The following TMEM200A variants were observed in gnomAD, a reference collection of about 807,000 sequenced individuals.
The protein encoded by TMEM200A is transmembrane protein 200A, also known as two transmembrane C.
A neutral mutation model predicts 24.3 loss-of-function variants in TMEM200A; 12 were observed. That is an observed-to-expected ratio of 0.49 (90% CI 0.32 to 0.80). The LOEUF (loss-of-function observed/expected upper bound fraction) is 0.80, where lower values mean the gene tolerates loss of function less well. TMEM200A is among the 30% of genes least tolerant of loss of function. The pLI is 0.04. For synonymous variants in TMEM200A, 224 were observed against 224.4 expected (o/e 1.00, Z 0.02); for missense variants, 545 against 614.4 (o/e 0.89, Z 1.19).
chr6:130,367,470 A>G (rs897290722), intron 1 of TMEM200A, among the ~76,000 whole-genome samples: 2 of 152,250 alleles, frequency 1.3e-5, no homozygotes, highest in Non-Finnish European at 2.9e-5. Context: ...CTGTATGCAT[A>G]AATATTACCA....
chr6:130,374,568 A>C (rs1418580877), intron 1 of TMEM200A, among the ~76,000 whole-genome samples: 2 of 151,782 alleles, frequency 1.3e-5, no homozygotes, highest in African/African-American at 2.4e-5. Context: ...GGGGCACACC[A>C]CCACGCCAGG....
chr6:130,394,222 A>G (rs761641411), intron 2 of TMEM200A, among the ~76,000 whole-genome samples: 7 of 152,200 alleles, frequency 4.6e-5, no homozygotes, highest in Non-Finnish European at 1.0e-4. Context: ...CCCAGCCTAG[A>G]GTCTGTAAGC....
intron 2 of TMEM200A, among the ~76,000 whole-genome samples, chr6:130,426,223 C>T (rs1779734861): frequency 6.6e-6 from 1 of 152,262 alleles, no homozygotes; most frequent in South Asian, 2.1e-4. Flanking sequence ...CCTCTCACTA[C>T]CTCGCCCAGC....
intron 2 of TMEM200A, among the ~76,000 whole-genome samples, chr6:130,419,210 G>A (rs1779524569): frequency 6.6e-6 from 1 of 152,100 alleles, no homozygotes; most frequent in African/African-American, 2.4e-5. Flanking sequence ...TTAACATAAT[G>A]ACCTCCAGTC....
intron 2 of TMEM200A, among the ~76,000 whole-genome samples, chr6:130,402,818 A>G (rs1779119194): frequency 6.6e-6 from 1 of 152,150 alleles, no homozygotes; most frequent in Non-Finnish European, 1.5e-5. Flanking sequence ...AACCTCTATT[A>G]GAAGTTTTAT....
In TMEM200A at chr6:130,442,099, T is replaced by G; in HGVS notation, c.*201T>G. Reference sequence around the variant, plus strand: ...AGTACTCTATGTTACCACACATGATTTTATTTTTCTCTTCCTTTGAAAGCA... The same window carrying G: ...AGTACTCTATGTTACCACACATGATGTTATTTTTCTCTTCCTTTGAAAGCA... On this transcript the variant is annotated 3_prime_UTR_variant, in exon 3 of 3. Transcript: ENST00000296978. 1 of 437,264 alleles carries G rather than the reference T, an allele frequency of 2.3e-6. No individual in the cohort carries two copies. The highest frequency in any genetic ancestry group is 4.1e-6 in the Non-Finnish European group (1 of 241,854). The allele number at this position is 437,264 out of a possible 1,614,324, so 27.1% of individuals were successfully genotyped here. A position where few individuals can be genotyped will look rare whatever the true frequency, so the allele number is the denominator to read the frequency against.
chr6:130,382,896 G>A, intron 1 of TMEM200A: 1 of 315,660 alleles, frequency 3.2e-6, no homozygotes, highest in Non-Finnish European at 4.6e-6. Flanking sequence ...CATGAAGCAG[G>A]AACATTTGTG....
chr6:130,426,078 A>AT (rs1779730702), intron 2 of TMEM200A, among the ~76,000 whole-genome samples: 1 of 152,234 alleles, frequency 6.6e-6, no homozygotes, highest in South Asian at 2.1e-4. Flanking sequence ...CTCCCTTGTC[A>AT]TAAACTCATT....
chr6:130,366,559 G>A lies in TMEM200A; in HGVS notation c.-81+35G>A. ...AGGAAAGGGTGCTGACGGGAGTGGG[G>A]AGGTGGGTGGGCGGCCACCGCAGCC... On this transcript the variant is annotated intron_variant, in intron 1 of 2. Coordinates refer to ENST00000296978, the MANE Select transcript of TMEM200A (RefSeq NM_001258277.2). This position sits in a 1 kb window ranked among gnomAD's most constrained non-coding sequence, Gnocchi z 4.4. The A allele has an allele frequency of 1.0e-6, 1 of 983,198 alleles. No individual in the cohort carries two copies. Among genetic ancestry groups the A allele is most frequent in the Non-Finnish European group, 1.2e-6 (1 of 827,942 alleles). The allele number at this position is 983,198 out of a possible 1,614,324, so 60.9% of individuals were successfully genotyped here. A position where few individuals can be genotyped will look rare whatever the true frequency, so the allele number is the denominator to read the frequency against.
chr6:130,406,524 TTG>T (rs1173410864), intron 2 of TMEM200A, among the ~76,000 whole-genome samples: 1 of 152,170 alleles, frequency 6.6e-6, no homozygotes, highest in Non-Finnish European at 1.5e-5. Flanking sequence ...CCACTCTCTG[TTG>T]TGTTTGTGAG....
intron 1 of TMEM200A, among the ~76,000 whole-genome samples, chr6:130,374,177 G>A (rs1778385796): frequency 6.6e-6 from 1 of 152,124 alleles, no homozygotes; most frequent in Admixed American, 6.5e-5. Flanking sequence ...ATTGATGTAG[G>A]ATGAGAGCCC....
chr6:130,411,039 C>T (rs556409235), intron 2 of TMEM200A, among the ~76,000 whole-genome samples: 3 of 152,184 alleles, frequency 2.0e-5, no homozygotes, highest in Non-Finnish European at 2.9e-5. Flanking sequence ...CATGGTGATG[C>T]ATGCTTGTAA....
At chr6:130,402,811 C>T (rs1043195409) in intron 2 of TMEM200A, among the ~76,000 whole-genome samples, 1 of 152,026 alleles carries the variant, frequency 6.6e-6, no homozygotes, top group Non-Finnish European at 1.5e-5. Flanking sequence ...TATCCCTAAC[C>T]TCTATTAGAA....
intron 1 of TMEM200A, among the ~76,000 whole-genome samples, chr6:130,370,127 C>G (rs966270947): frequency 3.9e-5 from 6 of 152,142 alleles, no homozygotes; most frequent in African/African-American, 1.4e-4. Flanking sequence ...CTCAGTCCCA[C>G]TTCTCTCTGG....
At chr6:130,406,361 C>T (rs756839612) in intron 2 of TMEM200A, among the ~76,000 whole-genome samples, 11 of 152,122 alleles carry the variant, frequency 7.2e-5, no homozygotes, top group Non-Finnish European at 1.5e-4. Context: ...CCCACATTCC[C>T]CTAAACAATA....
chr6:130,380,553 AC>A (rs1275567709), intron 1 of TMEM200A, among the ~76,000 whole-genome samples: 1 of 152,142 alleles, frequency 6.6e-6, no homozygotes, highest in African/African-American at 2.4e-5. Flanking sequence ...AGAAAAGACA[AC>A]TTTTATTGGA....
intron 2 of TMEM200A, among the ~76,000 whole-genome samples, chr6:130,434,584 C>T (rs959524843): frequency 6.6e-6 from 1 of 151,926 alleles, no homozygotes; most frequent in Non-Finnish European, 1.5e-5. Flanking sequence ...AAGCAAATAC[C>T]AGAATGTGCT....
In TMEM200A at chr6:130,441,796, GAAGCTTCT is replaced by G; in HGVS notation, c.1375_1382del (p.Lys459TyrfsTer8). The G allele has an allele frequency of 1.9e-6, 3 of 1,614,070 alleles. No homozygotes were observed. Among genetic ancestry groups the G allele is most frequent in the Non-Finnish European group, 2.5e-6 (3 of 1,179,986 alleles). Reference sequence around the variant, plus strand: ...TCAAAAAGGACTTTACCAATAAGGAGAAGCTTCTTATGATTTCAAGATCTCACAATAAT... The same window carrying G: ...TCAAAAAGGACTTTACCAATAAGGAGTATGATTTCAAGATCTCACAATAAT... On this transcript the variant is annotated frameshift_variant, in exon 3 of 3. Transcript: ENST00000296978. LOFTEE classifies it high-confidence loss of function.
chr6:130,374,746 C>T (rs991323849), intron 1 of TMEM200A, among the ~76,000 whole-genome samples: 3 of 152,140 alleles, frequency 2.0e-5, no homozygotes, highest in South Asian at 4.2e-4. Context: ...GAGATTTTTC[C>T]CCTAGAAAAC....
Sources: allele counts gnomAD v4.1 joint callset (sites outside exome capture counted in the v4.1 genomes callset), GRCh38; gene constraint gnomAD v4.1.1; non-coding constraint Gnocchi (gnomAD v3.1); transcripts MANE v1.5; gene names NCBI Gene and HGNC (gene_info 2026-07-23, HGNC 2026-07-21).